DECR1: variants seen among roughly 807,000 people sequenced by gnomAD.
The protein encoded by DECR1 is 2,4-dienoyl-CoA reductase [(3E)-enoyl-CoA-producing], mitochondrial.
A neutral mutation model predicts 38.8 loss-of-function variants in DECR1; 44 were observed. The ratio of observed to expected loss-of-function variants is 1.13; its 90% CI spans 0.89 to 1.46. The LOEUF (loss-of-function observed/expected upper bound fraction) is 1.46. Ranked by LOEUF, DECR1 falls within the 40% of genes most tolerant of loss-of-function variation. The probability of loss-of-function intolerance (pLI) is 0.00; values close to 1 mark genes in which losing one functional copy is unlikely to be tolerated. For missense variants in DECR1, 428 were observed against 405.5 expected (o/e 1.06, Z -0.48); for synonymous variants, 148 against 135.2 (o/e 1.09, Z -0.66).
At chr8:90,018,758 A>T (rs1586143793) in intron 2 of DECR1, 151 bp from the exon 3 acceptor site, 4 of 639,172 alleles carry the variant, frequency 6.3e-6, no homozygotes, top group South Asian at 3.9e-5. Context: ...TCTAAATTTG[A>T]CTTTTAGAAA....
chr8:90,001,611 A>G, intron 1 of DECR1, 50 bp downstream of exon 1: 3 of 1,548,514 alleles, frequency 1.9e-6, no homozygotes, highest in Non-Finnish European at 2.7e-6. Context: ...CTCGACGCGC[A>G]AAGAGAGAGG....
At position 90,042,700 on chromosome 8, in the gene DECR1, A is replaced by C. The variant is rs753862213; in HGVS notation, c.666-28A>C. 1.3e-5 allele frequency: 21 copies of C among 1,582,090 alleles called. No homozygotes were observed. In the Middle Eastern group the frequency reaches 5.3e-4, roughly 40 times the overall value. ...TTTAACATATGGTATAATATTTCAGAATGTATGTTGTTGATTTTAATTTTT... is the reference window on the plus strand; with the variant it reads ...TTTAACATATGGTATAATATTTCAGCATGTATGTTGTTGATTTTAATTTTT... On this transcript the variant is annotated intron_variant, in intron 6 of 9. Coordinates refer to ENST00000220764, the MANE Select transcript of DECR1 (RefSeq NM_001359.2).
chr8:90,042,837 A>G (rs758511606), intron 7 of DECR1, 37 bp downstream of exon 7: 7 of 1,528,584 alleles, frequency 4.6e-6, no homozygotes, highest in Non-Finnish European at 6.3e-6. Context: ...ATTGTGAATG[A>G]TTAAATAATG....
At chr8:90,033,107 A>G (rs577598675) in intron 5 of DECR1, among the ~76,000 whole-genome samples, 1 of 152,298 alleles carries the variant, frequency 6.6e-6, no homozygotes, top group East Asian at 1.9e-4. Flanking sequence ...AGGTGTCTAT[A>G]CTATTCCCCT....
intron 5 of DECR1, among the ~76,000 whole-genome samples, chr8:90,026,703 T>G (rs1023467358): frequency 6.6e-6 from 1 of 152,182 alleles, no homozygotes; most frequent in African/African-American, 2.4e-5. Flanking sequence ...TTTGAAGGGT[T>G]TTTTGTGTTT....
chr8:90,027,415 G>A (rs1419655747), intron 5 of DECR1, among the ~76,000 whole-genome samples: 1 of 152,260 alleles, frequency 6.6e-6, no homozygotes, highest in African/African-American at 2.4e-5. Context: ...CCTGTATTGG[G>A]TGCATATATG....
chr8:90,024,191 T>C (rs977073020), intron 5 of DECR1, among the ~76,000 whole-genome samples: 8 of 152,226 alleles, frequency 5.3e-5, no homozygotes, highest in Admixed American at 3.9e-4. Flanking sequence ...TGTGCATATG[T>C]CTTTATAGCA....
chr8:90,036,867 A>C lies in DECR1; in HGVS notation c.592A>C (p.Ile198Leu). The C allele has an allele frequency of 1.2e-6, 2 of 1,613,326 alleles. No homozygotes were observed. The highest frequency in any genetic ancestry group is 1.7e-6 in the Non-Finnish European group (2 of 1,179,604). The change falls in exon 6 of 10, where the codon ATC becomes CTC. Residue 198 changes from isoleucine to leucine, a missense_variant. Ile to Leu is a conservative substitution (Grantham distance 5). Coordinates refer to ENST00000220764, the MANE Select transcript of DECR1 (RefSeq NM_001359.2). ...KGAAFLSITT[I>L]YAETGSGFVV... ...AGCAGCATTTCTTTCTATTACTACT[A>C]TCTATGCTGAGACTGGTTCAGGTTT...
At chr8:90,031,473 G>C (rs186575328) in intron 5 of DECR1, among the ~76,000 whole-genome samples, 95 of 152,144 alleles carry the variant, frequency 6.2e-4, no homozygotes, top group African/African-American at 1.8e-3. Context: ...AAAAATAGCA[G>C]CCTACATGAG....
At chr8:90,037,864 C>T (rs1373166117) in intron 6 of DECR1, among the ~76,000 whole-genome samples, 1 of 152,126 alleles carries the variant, frequency 6.6e-6, no homozygotes, top group African/African-American at 2.4e-5. Context: ...TATTTCTTTA[C>T]TACCAGTCTC....
chr8:90,049,750 C>A (rs1276004307), intron 8 of DECR1, among the ~76,000 whole-genome samples: 2 of 152,128 alleles, frequency 1.3e-5, no homozygotes, highest in Non-Finnish European at 2.9e-5. Context: ...ACAAAGCTGG[C>A]ATCATCACAC....
At chr8:90,045,546 G>A (rs766499441) in intron 8 of DECR1, among the ~76,000 whole-genome samples, 56 of 152,214 alleles carry the variant, frequency 3.7e-4, no homozygotes, top group Non-Finnish European at 6.9e-4. Flanking sequence ...CAAACTGGGT[G>A]GAGCCCACCA....
At chr8:90,018,027 C>T (rs924798471) in intron 2 of DECR1, among the ~76,000 whole-genome samples, 2 of 152,160 alleles carry the variant, frequency 1.3e-5, no homozygotes, top group Non-Finnish European at 2.9e-5. Context: ...GCTGGGATTA[C>T]AGGCGCCTGC....
rs1214795346 is a variant in DECR1 at position 90,019,269 on chromosome 8, G to T, written c.417+97G>T. Reference sequence around the variant, plus strand: ...GAAATAAAATATTGATACTGATGTAGGACAGGCAAGCCCGAATCTGGGGCT... The same window carrying T: ...GAAATAAAATATTGATACTGATGTATGACAGGCAAGCCCGAATCTGGGGCT... On this transcript the variant is annotated intron_variant, in intron 4 of 9. Coordinates refer to ENST00000220764, the MANE Select transcript of DECR1 (RefSeq NM_001359.2). 2.9e-6 allele frequency: 3 copies of T among 1,019,848 alleles called. No individual in the cohort carries two copies. In the African/African-American group the frequency reaches 4.8e-5, roughly 16 times the overall value. 63.2% of individuals were successfully genotyped at this position (1,019,848 alleles called of 1,614,324 possible). A position where few individuals can be genotyped will look rare whatever the true frequency, so the allele number is the denominator to read the frequency against.
At chr8:90,013,003 A>G (rs1474970005) in intron 1 of DECR1, among the ~76,000 whole-genome samples, 2 of 152,230 alleles carry the variant, frequency 1.3e-5, no homozygotes, top group Non-Finnish European at 2.9e-5. Context: ...TTACTTCTAC[A>G]TGGCAGATCA....
At chr8:90,013,007 C>T (rs1812923826) in intron 1 of DECR1, among the ~76,000 whole-genome samples, 1 of 152,158 alleles carries the variant, frequency 6.6e-6, no homozygotes, top group African/African-American at 2.4e-5. Context: ...TTCTACATGG[C>T]AGATCAGTCA....
At chr8:90,010,211 A>T (rs1451777950) in intron 1 of DECR1, among the ~76,000 whole-genome samples, 1 of 152,208 alleles carries the variant, frequency 6.6e-6, no homozygotes, top group Non-Finnish European at 1.5e-5. Context: ...CAATCTACAC[A>T]GTCATGGAGC....
chr8:90,029,125 C>T (rs1040020157), intron 5 of DECR1, among the ~76,000 whole-genome samples: 3 of 152,118 alleles, frequency 2.0e-5, no homozygotes, highest in Admixed American at 6.6e-5. Context: ...ACTTAGTTTA[C>T]ACCTGATACT....
chr8:90,045,213 CTA>C (rs1306838461), intron 8 of DECR1: 2 of 254,816 alleles, frequency 7.8e-6, no homozygotes, highest in Non-Finnish European at 7.1e-6. Context: ...ATACCTGAGA[CTA>C]TGTAATTTAT....
Sources: allele counts gnomAD v4.1 joint callset (sites outside exome capture counted in the v4.1 genomes callset), GRCh38; gene constraint gnomAD v4.1.1; transcripts MANE v1.5; gene names NCBI Gene and HGNC (gene_info 2026-07-23, HGNC 2026-07-21).